HNF1A: variants seen among roughly 807,000 people sequenced by gnomAD.
HNF1A encodes hepatocyte nuclear factor 1-alpha.
Under a neutral mutation model 62.2 loss-of-function variants are expected in HNF1A, and 21 were observed. The ratio of observed to expected loss-of-function variants is 0.34; its 90% CI spans 0.24 to 0.49. The LOEUF is 0.49. HNF1A is among the 20% of genes least tolerant of loss of function. HNF1A has a pLI of 0.99. For synonymous variants in HNF1A, 374 were observed against 366.8 expected (o/e 1.02, Z -0.22); for missense variants, 687 against 832.3 (o/e 0.83, Z 2.15).
chr12:120,993,291 A>G (rs1344928096), intron 2 of HNF1A, among the ~76,000 whole-genome samples: 2 of 152,234 alleles, frequency 1.3e-5, no homozygotes, highest in East Asian at 3.8e-4. Flanking sequence ...TTGGTAGGAA[A>G]GCATTCAGGG....
intron 1 of HNF1A, among the ~76,000 whole-genome samples, chr12:120,985,251 A>AT (rs1289742032): frequency 8.6e-4 from 119 of 138,008 alleles, no homozygotes; most frequent in African/African-American, 1.5e-3. Context: ...TGGCTAATTT[A>AT]TTTTTTTTTT....
At chr12:120,986,197 T>C (rs1876503554) in intron 1 of HNF1A, among the ~76,000 whole-genome samples, 1 of 152,138 alleles carries the variant, frequency 6.6e-6, no homozygotes. Context: ...CTCTTTTACC[T>C]CACTTCAAAT....
intron 8 of HNF1A, 45 bp downstream of exon 8, chr12:120,999,434 C>T (rs772253124): frequency 1.9e-6 from 3 of 1,613,650 alleles, no homozygotes; most frequent in African/African-American, 1.3e-5. Flanking sequence ...GTGACAGAGC[C>T]CCTCACCCCC....
At chr12:120,995,454 G>A (rs997153891) in intron 4 of HNF1A, among the ~76,000 whole-genome samples, 1 of 150,982 alleles carries the variant, frequency 6.6e-6, no homozygotes, top group South Asian at 2.1e-4. Context: ...TATTCTATCT[G>A]TCCCATCCAC....
chr12:120,986,838 C>A (rs1876535261), intron 1 of HNF1A, among the ~76,000 whole-genome samples: 1 of 152,186 alleles, frequency 6.6e-6, no homozygotes, highest in Non-Finnish European at 1.5e-5. Context: ...ACCCGCCCAC[C>A]TTGGCCTCCC....
At chr12:120,987,058 A>C (rs7310409) in intron 1 of HNF1A, among the ~76,000 whole-genome samples, 1 of 151,910 alleles carries the variant, frequency 6.6e-6, no homozygotes, top group Non-Finnish European at 1.5e-5. Context: ...AGGTGGCATC[A>C]GGTCCCTTTG....
At chr12:120,991,758 T>C (rs1876853686) in intron 2 of HNF1A, among the ~76,000 whole-genome samples, 1 of 152,218 alleles carries the variant, frequency 6.6e-6, no homozygotes, top group African/African-American at 2.4e-5. Context: ...GGAAAAACAG[T>C]ACATTTTAAT....
intron 9 of HNF1A, 48 bp from the exon 10 acceptor site, chr12:121,001,017 G>A: frequency 6.2e-7 from 1 of 1,609,444 alleles, no homozygotes; most frequent in Non-Finnish European, 8.5e-7. Flanking sequence ...CAGGTGGGGT[G>A]GGTGTGGGTG....
rs1422485184 is a variant in HNF1A at position 120,999,149 on chromosome 12, A to C, written c.1502-119A>C. 4 of 1,242,130 alleles carry C rather than the reference A, an allele frequency of 3.2e-6. No homozygotes were observed. In the African/African-American group the frequency reaches 5.9e-5, roughly 18 times the overall value. 76.9% of individuals were successfully genotyped at this position (1,242,130 alleles called of 1,614,324 possible). ...TTTGAAAATCAGCCCTGGATCTCCA[A>C]CTGCTGCCCAGTCTGGCTGTTCAGC... On this transcript the variant is annotated intron_variant, in intron 7 of 9. Coordinates refer to ENST00000257555, the MANE Select transcript of HNF1A (RefSeq NM_000545.8).
chr12:120,994,602 C>T (rs1386786762), intron 4 of HNF1A, among the ~76,000 whole-genome samples, 197 bp downstream of exon 4: 1 of 152,042 alleles, frequency 6.6e-6, no homozygotes, highest in African/African-American at 2.4e-5. Flanking sequence ...TACTCCTTTC[C>T]ACTCTATTCA....
chr12:120,993,467 C>T (rs546173812), intron 2 of HNF1A, 53 bp from the exon 3 acceptor site: 241 of 1,562,798 alleles, frequency 1.5e-4, no homozygotes, highest in African/African-American at 4.7e-4. Context: ...GGGGAATGGA[C>T]GTGGGAAGGT....
At position 120,979,357 on chromosome 12, in the gene HNF1A, A is replaced by AG. The variant is rs540224031; in HGVS notation, c.326+269dup. On this transcript the variant is annotated intron_variant, in intron 1 of 9. Transcript: ENST00000257555. ...TCCTTGGGCAAGGGGGACATTTCCC[A>AG]GGGGGGTCCAAGATGGGAGAAAAAG... Among the ~76,000 whole-genome samples the AG allele has an allele frequency of 2.4e-3, 368 of 152,288 alleles. 1 individual carries two copies. Among genetic ancestry groups the AG allele is most frequent in the African/African-American group, 7.9e-3 (327 of 41,560 alleles).
intron 6 of HNF1A, chr12:120,997,128 A>T: frequency 7.1e-7 from 1 of 1,400,160 alleles, no homozygotes; most frequent in South Asian, 1.5e-5. Flanking sequence ...TACATAAGAT[A>T]GATAAGGAGC....
At chr12:120,998,959 A>G (rs1877266075) in intron 7 of HNF1A, among the ~76,000 whole-genome samples, 1 of 152,196 alleles carries the variant, frequency 6.6e-6, no homozygotes, top group Admixed American at 6.5e-5. Context: ...TTAGTACAGT[A>G]GCCCTGCACC....
chr12:120,990,644 G>GAGGAAAGATAGGAAAGGGAGGAAAGAT (rs1410204056), intron 2 of HNF1A, among the ~76,000 whole-genome samples: 8 of 100,068 alleles, frequency 8.0e-5, no homozygotes, highest in Middle Eastern at 5.7e-3. Context: ...ATAGGAAAGG[G>GAGGAAAGATAGGAAAGGGAGGAAAGAT]AGGAAAGGTA....
At chr12:120,990,676 AAGGG>A (rs1455704000) in intron 2 of HNF1A, among the ~76,000 whole-genome samples, 1 of 137,328 alleles carries the variant, frequency 7.3e-6, no homozygotes, top group Non-Finnish European at 1.6e-5. Flanking sequence ...AAAGGTAGGA[AAGGG>A]AGGAAGGAAG....
At chr12:120,982,466 G>GGC (rs1555210725) in intron 1 of HNF1A, among the ~76,000 whole-genome samples, 27 of 151,732 alleles carry the variant, frequency 1.8e-4, no homozygotes, top group African/African-American at 2.7e-4. Flanking sequence ...CAGGAGGGGG[G>GGC]GGGGACAGAG....
At position 120,994,326 on chromosome 12, in the gene HNF1A, G is replaced by A; in HGVS notation, c.876G>A (p.Gly292=). The A allele has an allele frequency of 6.2e-7, 1 of 1,608,632 alleles. No individual in the cohort carries two copies. Among genetic ancestry groups the A allele is most frequent in the Non-Finnish European group, 8.5e-7 (1 of 1,177,916 alleles). ...AMDTYSGPPP[G]PGPGPALPAH... ...ACACGTACAGCGGGCCCCCCCCAGG[G>A]CCAGGCCCGGGACCTGCGCTGCCCG... The change falls in exon 4 of 10, where the codon GGG becomes GGA. Residue 292 remains glycine (G), a synonymous_variant. Coordinates refer to ENST00000257555, the MANE Select transcript of HNF1A (RefSeq NM_000545.8).
chr12:120,993,773 G>C, intron 3 of HNF1A, 67 bp downstream of exon 3: 4 of 1,505,742 alleles, frequency 2.7e-6, no homozygotes, highest in Non-Finnish European at 3.7e-6. Context: ...GAAGGGGAAG[G>C]TGACTCTAGG....
Sources: allele counts gnomAD v4.1 joint callset (sites outside exome capture counted in the v4.1 genomes callset), GRCh38; gene constraint gnomAD v4.1.1; transcripts MANE v1.5; gene names NCBI Gene and HGNC (gene_info 2026-07-23, HGNC 2026-07-21).